The following NPRL3 variants were observed in gnomAD, a reference collection of about 807,000 sequenced individuals.
The protein encoded by NPRL3 is GATOR1 complex protein NPRL3.
A neutral mutation model predicts 57.2 loss-of-function variants in NPRL3; 23 were observed. That is an observed-to-expected ratio of 0.40 (90% CI 0.29 to 0.57). The LOEUF (loss-of-function observed/expected upper bound fraction) is 0.57. Among genes scored for constraint, NPRL3 ranks in the 20% least tolerant of loss-of-function variants. The pLI, the probability that NPRL3 is intolerant of heterozygous loss-of-function variation, is 0.42. For synonymous variants in NPRL3, 333 were observed against 321.1 expected (o/e 1.04, Z -0.39); for missense variants, 691 against 767.1 (o/e 0.90, Z 1.17).
In NPRL3 at chr16:135,608, CAA is replaced by C. The variant is rs555589072; in HGVS notation, c.118+2540_118+2541del. On this transcript the variant is annotated intron_variant, in intron 2 of 13. Transcript: ENST00000611875. ...TGGGCAACAGAGTGAGACTCTGTCT[CAA>C]AAAAAAAAAAAAAAAAAAAAGACAT... 3.7e-4 allele frequency among the ~76,000 whole-genome samples: 21 copies of C among 56,840 alleles called. No homozygotes were observed. The South Asian group carries it at 3.8e-3, about 10-fold the overall frequency. 37.3% of individuals were successfully genotyped at this position (56,840 alleles called of 152,430 possible). A position where few individuals can be genotyped will look rare whatever the true frequency, so the allele number is the denominator to read the frequency against.
rs34410203 is a variant in NPRL3 at position 97,410 on chromosome 16, A to ATTTT, written c.924+731_924+734dup. 4.9e-4 allele frequency among the ~76,000 whole-genome samples: 56 copies of ATTTT among 115,046 alleles called. 1 individual carries two copies. Among genetic ancestry groups the ATTTT allele is most frequent in the East Asian group, 1.8e-3 (7 of 3,896 alleles). The allele number at this position is 115,046 out of a possible 152,430, so 75.5% of individuals were successfully genotyped here. Reference sequence around the variant, plus strand: ...CAGGTGCACGCCACCACACCCAGCTATTTTTTTTTTTTTTTTTTTTGTATT... The same window carrying ATTTT: ...CAGGTGCACGCCACCACACCCAGCTATTTTTTTTTTTTTTTTTTTTTTTTGTATT... On this transcript the variant is annotated intron_variant, in intron 9 of 13. Transcript: ENST00000611875.
chr16:115,900 GTTTAATCACT>G (rs1900012939), intron 5 of NPRL3, among the ~76,000 whole-genome samples: 3 of 152,182 alleles, frequency 2.0e-5, no homozygotes, highest in Non-Finnish European at 2.9e-5. Flanking sequence ...TCACCACATT[GTTTAATCACT>G]CCCCAACTAC....
At chr16:120,404 ACTC>A (rs1325511409) in intron 3 of NPRL3, among the ~76,000 whole-genome samples, 3 of 151,852 alleles carry the variant, frequency 2.0e-5, no homozygotes, top group Middle Eastern at 3.4e-3. Context: ...GACTGACATA[ACTC>A]CTCCATGTTG....
At position 88,903 on chromosome 16, in the gene NPRL3, T is replaced by G; in HGVS notation, c.1352-13A>C. ...TCATCGCTGCTGGCTGTGGGGGACA[T>G]GGGTCAGGGTGACCAAGTGGAATTC... On this transcript the variant is annotated splice_polypyrimidine_tract_variant and intron_variant, in intron 12 of 13. Coordinates refer to ENST00000611875, the MANE Select transcript of NPRL3 (RefSeq NM_001077350.3). The G allele has an allele frequency of 6.3e-7, 1 of 1,599,212 alleles. No homozygotes were observed. The highest frequency in any genetic ancestry group is 1.1e-5 in the South Asian group (1 of 90,510).
At chr16:124,053 C>T (rs949578958) in intron 3 of NPRL3, among the ~76,000 whole-genome samples, 10 of 145,698 alleles carry the variant, frequency 6.9e-5, no homozygotes, top group South Asian at 2.2e-4. Context: ...ACACTCCCCA[C>T]GCTGAGAAAC....
chr16:122,545 G>A (rs1270736951), intron 3 of NPRL3, among the ~76,000 whole-genome samples: 3 of 152,176 alleles, frequency 2.0e-5, no homozygotes, highest in Non-Finnish European at 4.4e-5. Flanking sequence ...CAACATTTAT[G>A]AAAATCCTTT....
At chr16:96,309 C>A (rs892407159) in intron 9 of NPRL3, among the ~76,000 whole-genome samples, 4 of 152,206 alleles carry the variant, frequency 2.6e-5, no homozygotes, top group Non-Finnish European at 5.9e-5. Context: ...AAGCCAGGCC[C>A]AGCTCCTTTC....
At chr16:117,272 T>G in intron 5 of NPRL3, 29 bp downstream of exon 5, 2 of 1,520,566 alleles carry the variant, frequency 1.3e-6, no homozygotes, top group Non-Finnish European at 1.8e-6. Flanking sequence ...CCCCACTCCC[T>G]GATCTTAACC....
chr16:118,827 A>T (rs1046880981), intron 4 of NPRL3, among the ~76,000 whole-genome samples: 1 of 150,706 alleles, frequency 6.6e-6, no homozygotes, highest in Non-Finnish European at 1.5e-5. Flanking sequence ...GGGTCTGTGC[A>T]TGCCCAGGGA....
At chr16:96,756 G>A (rs1899025619) in intron 9 of NPRL3, among the ~76,000 whole-genome samples, 1 of 151,776 alleles carries the variant, frequency 6.6e-6, no homozygotes. Flanking sequence ...CCACATGCCA[G>A]CCTGGGAGAC....
At chr16:131,597 C>CAAAAAAAAAA (rs59373757) in intron 2 of NPRL3, among the ~76,000 whole-genome samples, 4 of 69,704 alleles carry the variant, frequency 5.7e-5, no homozygotes, top group Non-Finnish European at 5.5e-5. Context: ...GACTCAGTCT[C>CAAAAAAAAAA]AAAAAAAAAA....
intron 6 of NPRL3, among the ~76,000 whole-genome samples, chr16:111,509 T>C (rs980105855): frequency 6.6e-6 from 1 of 151,938 alleles, no homozygotes; most frequent in African/African-American, 2.4e-5. Context: ...AGTGCAGTGG[T>C]GCAATCTCAG....
At position 92,633 on chromosome 16, in the gene NPRL3, G is replaced by T. The variant is rs1276927890; in HGVS notation, c.1124C>A (p.Ser375Ter). 6.2e-7 allele frequency: 1 copy of T among 1,613,680 alleles called. No homozygotes were observed. Residue 375 changes from serine to a stop codon, truncating the protein, a stop_gained, in exon 11 of 14, where the codon TCA becomes TAA. Coordinates refer to ENST00000611875, the MANE Select transcript of NPRL3 (RefSeq NM_001077350.3). LOFTEE classifies it high-confidence loss of function. ...GGGGGCCAGGGGATTCCTAAATTCT[G>T]ACAAGGAGACCGGCAAGGAGAACTT... is the stretch of plus-strand genomic sequence containing the variant. ...LAKFSLPVSL[S>*]EFRNPLAPAV...
intron 7 of NPRL3, among the ~76,000 whole-genome samples, chr16:105,907 G>A (rs558935214): frequency 6.6e-6 from 1 of 152,308 alleles, no homozygotes; most frequent in East Asian, 1.9e-4. Context: ...CAAGTGTTGG[G>A]GTGGCCTCCT....
rs1486227964 is a variant in NPRL3 at position 86,054 on chromosome 16, CAG to C, written c.*649_*650del. 1.5e-5 allele frequency: 5 copies of C among 342,732 alleles called. No homozygotes were observed. Among genetic ancestry groups the C allele is most frequent in the African/African-American group, 1.1e-4 (5 of 47,412 alleles). 21.2% of individuals were successfully genotyped at this position (342,732 alleles called of 1,614,324 possible). ...CCACCAGCAAGATGTGCACAGGTGA[CAG>C]GGCTTCTCCAGCCTAGCAGGGCCAG... On this transcript the variant is annotated 3_prime_UTR_variant, in exon 14 of 14. Coordinates refer to ENST00000611875, the MANE Select transcript of NPRL3 (RefSeq NM_001077350.3).
Position 88,950 on chromosome 16 carries a change from G to A in NPRL3, c.1352-60C>T, listed in dbSNP as rs112913577. On this transcript the variant is annotated intron_variant, in intron 12 of 13. Coordinates refer to ENST00000611875, the MANE Select transcript of NPRL3 (RefSeq NM_001077350.3). ...ATTCCAGGACACCCAGGGGAACAGC[G>A]AGGGCAGAGCCAGCAGCCAGCCTCC... The A allele has an allele frequency of 2.0e-3, 2,981 of 1,508,722 alleles. 6 individuals are homozygous for A. Among genetic ancestry groups the A allele is most frequent in the Non-Finnish European group, 2.5e-3 (2,764 of 1,101,580 alleles). 93.5% of individuals were successfully genotyped at this position (1,508,722 alleles called of 1,614,324 possible). A position where few individuals can be genotyped will look rare whatever the true frequency, so the allele number is the denominator to read the frequency against.
At chr16:136,361 G>T (rs1901078062) in intron 2 of NPRL3, among the ~76,000 whole-genome samples, 1 of 152,226 alleles carries the variant, frequency 6.6e-6, no homozygotes, top group African/African-American at 2.4e-5. Flanking sequence ...GCAGAACAGT[G>T]TGTATGGTGT....
At chr16:97,531 C>T (rs944665742) in intron 9 of NPRL3, among the ~76,000 whole-genome samples, 20 of 151,298 alleles carry the variant, frequency 1.3e-4, no homozygotes, top group South Asian at 2.1e-4. Context: ...GCCTTGCCTG[C>T]GCTTTTCCTC....
chr16:86,954 C>G, intron 13 of NPRL3, 84 bp from the exon 14 acceptor site: 2 of 1,377,142 alleles, frequency 1.5e-6, no homozygotes, highest in Middle Eastern at 2.4e-4. Flanking sequence ...GGAATCAGCT[C>G]TGAGCTGCCC....
Sources: gnomAD v4.1 joint callset for allele counts (sites outside exome capture counted in the v4.1 genomes callset) on GRCh38, gnomAD v4.1.1 for gene constraint, MANE v1.5 for transcripts, NCBI Gene and HGNC (gene_info 2026-07-23, HGNC 2026-07-21) for gene names.